Variants in CALN1 observed in about 807,000 individuals in gnomAD.
The protein encoded by CALN1 is calcium-binding protein 8.
CALN1 carries 17 observed loss-of-function variants against 30.6 expected under a neutral mutation model. The ratio of observed to expected loss-of-function variants is 0.56; its 90% confidence interval spans 0.38 to 0.83. CALN1 has a LOEUF of 0.83. Among genes scored for constraint, CALN1 ranks in the 40% least tolerant of loss-of-function variants. CALN1 has a pLI of 0.00. For missense variants in CALN1, 291 were observed against 354.9 expected (o/e 0.82, Z 1.45); for synonymous variants, 156 against 131.4 (o/e 1.19, Z -1.28).
intron 5 of CALN1, among the ~76,000 whole-genome samples, chr7:71,961,095 G>A (rs1797227945): frequency 6.6e-6 from 1 of 152,156 alleles, no homozygotes; most frequent in South Asian, 2.1e-4. Context: ...GGAATTACAG[G>A]CATGAGCCAC....
At chr7:72,090,459 A>T (rs1022780876) in intron 4 of CALN1, among the ~76,000 whole-genome samples, 2 of 152,168 alleles carry the variant, frequency 1.3e-5, no homozygotes, top group African/African-American at 4.8e-5. Flanking sequence ...CGTCTATTAA[A>T]ATTTGAGAGA....
At chr7:72,168,239 A>G (rs1262238365) in intron 3 of CALN1, among the ~76,000 whole-genome samples, 1 of 152,142 alleles carries the variant, frequency 6.6e-6, no homozygotes, top group East Asian at 1.9e-4. Context: ...CAAGCAAAAA[A>G]AAAAAAAAAG....
chr7:72,183,407 A>G (rs930498862), intron 3 of CALN1, among the ~76,000 whole-genome samples: 1 of 152,240 alleles, frequency 6.6e-6, no homozygotes, highest in Non-Finnish European at 1.5e-5. Context: ...ATGAAAAATT[A>G]TGAGAGTCTA....
At chr7:72,128,360 G>A (rs1223622988) in intron 3 of CALN1, among the ~76,000 whole-genome samples, 1 of 151,926 alleles carries the variant, frequency 6.6e-6, no homozygotes, top group Non-Finnish European at 1.5e-5. Flanking sequence ...AAATAACGTG[G>A]GGACAACTAA....
chr7:72,071,198 A>T (rs1584880967), intron 4 of CALN1, among the ~76,000 whole-genome samples: 1 of 152,168 alleles, frequency 6.6e-6, no homozygotes, highest in East Asian at 1.9e-4. Context: ...ATGTTCCTGG[A>T]GCAGCTTGCA....
At chr7:71,874,279 TAAAAAAAAAAAAA>T (rs57423286) in intron 5 of CALN1, among the ~76,000 whole-genome samples, 1 of 97,650 alleles carries the variant, frequency 1.0e-5, no homozygotes, top group Admixed American at 1.2e-4. Flanking sequence ...TCTCAAACAT[TAAAAAAAAAAAAA>T]AAAAAAAAAA....
At chr7:72,253,525 C>G (rs1046800768) in intron 3 of CALN1, among the ~76,000 whole-genome samples, 5 of 152,204 alleles carry the variant, frequency 3.3e-5, no homozygotes, top group African/African-American at 1.2e-4. Flanking sequence ...GAAAGGGAAA[C>G]AAGCACATCT....
chr7:72,344,626 AT>A (rs1802532280), intron 2 of CALN1, among the ~76,000 whole-genome samples: 3 of 134,900 alleles, frequency 2.2e-5, no homozygotes, highest in Admixed American at 8.2e-5. Flanking sequence ...GTATATATAA[AT>A]TTAAATATAT....
intron 2 of CALN1, among the ~76,000 whole-genome samples, chr7:72,376,884 A>C (rs1297817069): frequency 6.6e-6 from 1 of 152,114 alleles, no homozygotes; most frequent in East Asian, 1.9e-4. Context: ...TAGGTATCCA[A>C]CTTTCTGTAT....
intron 6 of CALN1, among the ~76,000 whole-genome samples, chr7:71,791,025 C>T (rs1423260630): frequency 6.6e-6 from 1 of 152,186 alleles, no homozygotes; most frequent in Non-Finnish European, 1.5e-5. Context: ...TCAACTACCT[C>T]TCTCCCTTGA....
intron 5 of CALN1, among the ~76,000 whole-genome samples, chr7:71,867,578 G>A (rs947922025): frequency 6.6e-6 from 1 of 152,072 alleles, no homozygotes; most frequent in African/African-American, 2.4e-5. Flanking sequence ...GGGATTACAG[G>A]GATGTGCCAC....
intron 5 of CALN1, among the ~76,000 whole-genome samples, chr7:71,810,815 C>T (rs190611470): frequency 2.0e-5 from 3 of 152,138 alleles, no homozygotes; most frequent in Admixed American, 1.3e-4. Flanking sequence ...ATGGTGAAAC[C>T]CTTTATATAA....
chr7:71,842,805 GTA>G (rs1300511622), intron 5 of CALN1, among the ~76,000 whole-genome samples: 1 of 152,108 alleles, frequency 6.6e-6, no homozygotes, highest in Non-Finnish European at 1.5e-5. Context: ...GTCCGTTCCT[GTA>G]CCCTCAGCAC....
intron 5 of CALN1, among the ~76,000 whole-genome samples, chr7:71,952,227 G>T (rs537392454): frequency 6.6e-6 from 1 of 152,158 alleles, no homozygotes; most frequent in Non-Finnish European, 1.5e-5. Flanking sequence ...CACCTGGCAG[G>T]ATCTTCCTAA....
intron 6 of CALN1, among the ~76,000 whole-genome samples, chr7:71,790,755 G>A (rs1793335065): frequency 6.6e-6 from 1 of 152,200 alleles, no homozygotes; most frequent in South Asian, 2.1e-4. Flanking sequence ...TGGAGGTTGG[G>A]AATTTGTGTT....
chr7:71,950,623 C>A (rs1056118042), intron 5 of CALN1, among the ~76,000 whole-genome samples: 1 of 152,144 alleles, frequency 6.6e-6, no homozygotes, highest in Non-Finnish European at 1.5e-5. Flanking sequence ...GTCCCTAACA[C>A]CCCCGATCCA....
At chr7:72,461,784 G>A in the CALN1 span, among the ~76,000 whole-genome samples, 1 of 152,168 alleles carries the variant, frequency 6.6e-6, no homozygotes, top group Admixed American at 6.5e-5. Flanking sequence ...GAGGTGGGTG[G>A]ATCACCTGAA....
At chr7:72,111,520 C>A (rs1450691659) in intron 3 of CALN1, among the ~76,000 whole-genome samples, 2 of 150,562 alleles carry the variant, frequency 1.3e-5, no homozygotes, top group Non-Finnish European at 3.0e-5. Context: ...TGCAGTGGCA[C>A]CATGATAGCT....
chr7:72,010,897 G>T (rs1323561661), intron 5 of CALN1, among the ~76,000 whole-genome samples: 1 of 152,012 alleles, frequency 6.6e-6, no homozygotes, highest in African/African-American at 2.4e-5. Flanking sequence ...GCTAATGCCT[G>T]TAATCCCAGC....
Sources: gnomAD v4.1 joint callset for allele counts (sites outside exome capture counted in the v4.1 genomes callset) on GRCh38, gnomAD v4.1.1 for gene constraint, MANE v1.5 for transcripts, NCBI Gene and HGNC (gene_info 2026-07-23, HGNC 2026-07-21) for gene names.